Variants in C2CD3 observed in about 807,000 individuals in gnomAD.
C2CD3 encodes C2 domain containing 3 centriole elongation regulator, also known as C2 domain-containing protein 3.
A neutral mutation model predicts 234.0 loss-of-function variants in C2CD3; 148 were observed. The ratio of observed to expected loss-of-function variants is 0.63; its 90% CI spans 0.55 to 0.72. The LOEUF (loss-of-function observed/expected upper bound fraction) is 0.72, where lower values mean the gene tolerates loss of function less well. Among genes scored for constraint, C2CD3 ranks in the 30% least tolerant of loss-of-function variants. The pLI, the probability that C2CD3 is intolerant of heterozygous loss-of-function variation, is 0.00. For synonymous variants in C2CD3, 1,000 were observed against 1,035.4 expected (o/e 0.97, Z 0.66); for missense variants, 2,577 against 2,811.5 (o/e 0.92, Z 1.89).
intron 3 of C2CD3, among the ~76,000 whole-genome samples, chr11:74,149,828 G>A (rs58719576): frequency 0.14 from 21,347 of 151,912 alleles, 1,908 homozygotes; most frequent in Admixed American, 0.23. Context: ...GAAGAGTGTG[G>A]GAGAGGTACA....
intron 32 of C2CD3, among the ~76,000 whole-genome samples, chr11:74,022,802 G>A (rs1253399541): frequency 6.6e-6 from 1 of 152,238 alleles, no homozygotes; most frequent in Non-Finnish European, 1.5e-5. Flanking sequence ...GATTTATAAT[G>A]AATTTGGAAC....
At chr11:74,068,259 G>A (rs977278489) in intron 24 of C2CD3, among the ~76,000 whole-genome samples, 12 of 151,492 alleles carry the variant, frequency 7.9e-5, no homozygotes, top group East Asian at 1.9e-4. Context: ...TTCCTTTTTC[G>A]GTCTTAAGCT....
chr11:74,037,763 G>A, intron 29 of C2CD3, 65 bp from the exon 30 acceptor site: 1 of 1,269,538 alleles, frequency 7.9e-7, no homozygotes, highest in Non-Finnish European at 1.1e-6. Flanking sequence ...CATCTCTTAT[G>A]TCCCCTGGAC....
intron 17 of C2CD3, 60 bp from the exon 18 acceptor site, chr11:74,094,059 T>C: frequency 7.3e-7 from 1 of 1,367,784 alleles, no homozygotes; most frequent in Non-Finnish European, 1.0e-6. Context: ...TTTCTTCTTC[T>C]TTCATGTTCT....
intron 22 of C2CD3, among the ~76,000 whole-genome samples, chr11:74,080,648 T>C (rs1178846858): frequency 2.0e-5 from 3 of 152,192 alleles, no homozygotes; most frequent in Non-Finnish European, 4.4e-5. Context: ...AGAAATGATA[T>C]ATCCTTAATT....
chr11:74,113,605 G>A (rs1419875854), intron 11 of C2CD3, 175 bp downstream of exon 11: 15 of 600,482 alleles, frequency 2.5e-5, no homozygotes, highest in East Asian at 6.1e-5. Context: ...ACTTGAACCC[G>A]GGAGGTGGAG....
At chr11:74,018,401 C>G (rs756036664) in intron 32 of C2CD3, among the ~76,000 whole-genome samples, 14 of 152,134 alleles carry the variant, frequency 9.2e-5, no homozygotes, top group Non-Finnish European at 2.1e-4. Context: ...CACTGTCTTC[C>G]CCCCTTCTTT....
intron 4 of C2CD3, 78 bp downstream of exon 4, chr11:74,139,527 A>T: frequency 9.5e-7 from 1 of 1,048,386 alleles, no homozygotes; most frequent in Non-Finnish European, 1.5e-6. Flanking sequence ...TCTTTTACTC[A>T]ACCATAAATG....
intron 23 of C2CD3, among the ~76,000 whole-genome samples, 174 bp from the exon 24 acceptor site, chr11:74,074,774 C>T (rs899184280): frequency 6.6e-6 from 1 of 152,200 alleles, no homozygotes; most frequent in Non-Finnish European, 1.5e-5. Context: ...AACTTTTACC[C>T]TGCCCTAACT....
intron 31 of C2CD3, among the ~76,000 whole-genome samples, chr11:74,032,824 C>CCTTGTA (rs1162731097): frequency 6.6e-6 from 1 of 151,290 alleles, no homozygotes. Context: ...ATGGTAATAA[C>CCTTGTA]CTTGTACTCC....
At chr11:74,106,833 C>A (rs542094628) in intron 12 of C2CD3, among the ~76,000 whole-genome samples, 2 of 152,212 alleles carry the variant, frequency 1.3e-5, no homozygotes, top group Non-Finnish European at 2.9e-5. Flanking sequence ...GCTATTAAAA[C>A]TAGGGAAATT....
At chr11:74,110,638 C>A (rs1956708452) in intron 11 of C2CD3, 1 of 152,222 alleles carries the variant, frequency 6.6e-6, no homozygotes, top group African/African-American at 2.4e-5. Flanking sequence ...TACAAACAAT[C>A]CTATTTCAAT....
rs1952608813 is a variant in C2CD3 at position 74,033,679 on chromosome 11, C to T, written c.6481G>A (p.Ala2161Thr). Reference sequence around the variant, plus strand: ...GAGGCAGACTCGCCACCAACCCTGGCCTTAGAGGCCTCACACTCACAAGCA... The same window carrying T: ...GAGGCAGACTCGCCACCAACCCTGGTCTTAGAGGCCTCACACTCACAAGCA... ...LVACECEASKARVGGESASAN... is the reference protein window; with the variant it reads ...LVACECEASKTRVGGESASAN... The change falls in exon 31 of 33, where the codon GCC becomes ACC. Residue 2161 changes from alanine (A) to threonine (T), a missense_variant. Ala to Thr is a moderately conservative substitution (Grantham distance 58, BLOSUM62 0). Coordinates refer to ENST00000334126, the MANE Select transcript of C2CD3 (RefSeq NM_001286577.2). 6.5e-7 allele frequency: 1 copy of T among 1,536,092 alleles called. No individual in the cohort carries two copies. Among genetic ancestry groups the T allele is most frequent in the South Asian group, 1.2e-5 (1 of 84,062 alleles).
At chr11:74,071,470 A>C (rs926232112) in intron 24 of C2CD3, among the ~76,000 whole-genome samples, 1 of 152,222 alleles carries the variant, frequency 6.6e-6, no homozygotes, top group Non-Finnish European at 1.5e-5. Flanking sequence ...TGTCTCTTTG[A>C]GTATAGACCT....
At chr11:74,126,637 G>A (rs145497361) in intron 7 of C2CD3, among the ~76,000 whole-genome samples, 125 of 152,232 alleles carry the variant, frequency 8.2e-4, no homozygotes, top group African/African-American at 2.9e-3. Flanking sequence ...CCAGCTACTC[G>A]GGAAGCTGAG....
chr11:74,087,877 T>C (rs1293816405), intron 20 of C2CD3, among the ~76,000 whole-genome samples: 1 of 152,220 alleles, frequency 6.6e-6, no homozygotes, highest in East Asian at 1.9e-4. Flanking sequence ...AAGGTTCTAT[T>C]CACTCTGAGT....
intron 28 of C2CD3, among the ~76,000 whole-genome samples, chr11:74,046,309 T>C (rs999948486): frequency 3.3e-5 from 5 of 152,190 alleles, no homozygotes; most frequent in Admixed American, 6.5e-5. Context: ...GGATGCATTT[T>C]CTAGGATTTT....
intron 5 of C2CD3, among the ~76,000 whole-genome samples, chr11:74,136,885 C>T (rs749685131): frequency 2.0e-5 from 3 of 151,186 alleles, no homozygotes; most frequent in East Asian, 1.9e-4. Context: ...CATCATGGCA[C>T]GTGTATACCT....
rs1010676283 is a variant in C2CD3, at chr11:74,111,929, C to T, written c.1843+1851G>A. Among the ~76,000 whole-genome samples, 314 of 97,966 alleles carry T rather than the reference C, an allele frequency of 3.2e-3. 6 individuals carry two copies. Among genetic ancestry groups the T allele is most frequent in the African/African-American group, 0.014 (273 of 19,004 alleles). The allele number at this position is 97,966 out of a possible 152,430, so 64.3% of individuals were successfully genotyped here. A position where few individuals can be genotyped will look rare whatever the true frequency, so the allele number is the denominator to read the frequency against. On this transcript the variant is annotated intron_variant, in intron 11 of 32. Transcript: ENST00000334126. ...AAACATATTTGCTGATACACACACA[C>T]ACACACACACACACACACACACACA...
Sources: gnomAD v4.1 joint callset for allele counts (sites outside exome capture counted in the v4.1 genomes callset) on GRCh38, gnomAD v4.1.1 for gene constraint, MANE v1.5 for transcripts, NCBI Gene and HGNC (gene_info 2026-07-23, HGNC 2026-07-21) for gene names.